CCDC66: variants seen among roughly 807,000 people sequenced by gnomAD.
CCDC66 encodes the protein coiled-coil domain-containing protein 66.
Under a neutral mutation model 128.3 loss-of-function variants are expected in CCDC66, and 133 were observed. The observed-to-expected ratio is 1.04, with a 90% CI of 0.90 to 1.20. The LOEUF (loss-of-function observed/expected upper bound fraction) is 1.20, where lower values mean the gene tolerates loss of function less well. Ranked by LOEUF, CCDC66 falls within the 50% of genes most tolerant of loss-of-function variation. CCDC66 has a pLI of 0.00. For missense variants in CCDC66, 1,126 were observed against 1,075.5 expected (o/e 1.05, Z -0.66); for synonymous variants, 387 against 357.0 (o/e 1.08, Z -0.95).
At chr3:56,559,872 G>A (rs1417946049) in intron 3 of CCDC66, among the ~76,000 whole-genome samples, 1 of 152,122 alleles carries the variant, frequency 6.6e-6, no homozygotes, top group Non-Finnish European at 1.5e-5. Context: ...TATTGAATAT[G>A]GAAGCCACTA....
chr3:56,571,130 TTC>T, intron 6 of CCDC66, 49 bp from the exon 7 acceptor site: 1 of 1,357,610 alleles, frequency 7.4e-7, no homozygotes, highest in Non-Finnish European at 1.0e-6. Context: ...GTTTACATGG[TTC>T]TGTTTTTACA....
chr3:56,620,928 A>C (rs1279284861), intron 17 of CCDC66: 1 of 152,608 alleles, frequency 6.6e-6, no homozygotes, highest in African/African-American at 2.4e-5. Flanking sequence ...TGAGGCAGGC[A>C]GATCATGAGG....
At chr3:56,560,639 G>T (rs893499289) in intron 3 of CCDC66, among the ~76,000 whole-genome samples, 2 of 152,128 alleles carry the variant, frequency 1.3e-5, no homozygotes, top group African/African-American at 4.8e-5. Context: ...AGAATCACTT[G>T]AACCCTGGAG....
chr3:56,607,227 T>G (rs2074202908), intron 10 of CCDC66, among the ~76,000 whole-genome samples: 1 of 152,184 alleles, frequency 6.6e-6, no homozygotes. Context: ...GTAGATTGCT[T>G]TTGGCAGTAT....
chr3:56,619,624 TTC>T, intron 16 of CCDC66, 97 bp downstream of exon 16: 1 of 1,491,838 alleles, frequency 6.7e-7, no homozygotes, highest in East Asian at 2.3e-5. Flanking sequence ...CTGCACTTAG[TTC>T]TATAAAGTTT....
chr3:56,593,574 AAC>A lies in CCDC66; in HGVS notation c.1158_1159del (p.His386GlnfsTer4). ...GSQSQLFSQS[T>X]HKQPEYFCVS... ...CTCAATCTCAGCTGTTCTCTCAGTC[AAC>A]ACACAAACAACCTGAGTACTTCTGT... On this transcript the variant is annotated frameshift_variant, in exon 9 of 18. Transcript: ENST00000394672. LOFTEE classifies it high-confidence loss of function. The A allele has an allele frequency of 6.2e-7, 1 of 1,614,202 alleles. No homozygotes were observed. The highest frequency in any genetic ancestry group is 2.2e-5 in the East Asian group (1 of 44,888).
At chr3:56,612,869 G>T (rs1018927330) in intron 10 of CCDC66, among the ~76,000 whole-genome samples, 1 of 152,160 alleles carries the variant, frequency 6.6e-6, no homozygotes, top group Non-Finnish European at 1.5e-5. Context: ...ACCTGCCCCC[G>T]GGTTCCCAAG....
intron 11 of CCDC66, 28 bp from the exon 12 acceptor site, chr3:56,615,100 G>C: frequency 6.2e-7 from 1 of 1,604,496 alleles, no homozygotes; most frequent in South Asian, 1.1e-5. Context: ...TTTAATAGAT[G>C]AATTTAGTAA....
intron 10 of CCDC66, among the ~76,000 whole-genome samples, chr3:56,613,113 G>T (rs888152475): frequency 1.1e-4 from 17 of 152,160 alleles, no homozygotes; most frequent in African/African-American, 4.1e-4. Context: ...TAGGGACTGG[G>T]CTCTCAAAAT....
chr3:56,579,403 A>G (rs942102459), intron 7 of CCDC66, among the ~76,000 whole-genome samples: 4 of 151,372 alleles, frequency 2.6e-5, no homozygotes, highest in East Asian at 4.0e-4. Context: ...TTGTGTCTCT[A>G]TCTCCTTCAG....
intron 10 of CCDC66, among the ~76,000 whole-genome samples, chr3:56,610,126 C>T (rs1201455392): frequency 2.0e-5 from 3 of 152,196 alleles, no homozygotes; most frequent in Non-Finnish European, 4.4e-5. Flanking sequence ...AGGTCTTTAG[C>T]AAGGCCAGGG....
At chr3:56,606,129 G>A (rs2107222635) in intron 10 of CCDC66, among the ~76,000 whole-genome samples, 1 of 152,198 alleles carries the variant, frequency 6.6e-6, no homozygotes, top group South Asian at 2.1e-4. Flanking sequence ...ACCCCACCAA[G>A]CTTGAGAGTC....
At chr3:56,608,648 A>AGGTTT (rs2074393934) in intron 10 of CCDC66, among the ~76,000 whole-genome samples, 1 of 151,614 alleles carries the variant, frequency 6.6e-6, no homozygotes, top group Non-Finnish European at 1.5e-5. Flanking sequence ...TTCTTCTGCT[A>AGGTTT]GGTTTGGTTT....
At chr3:56,606,573 G>A (rs146811899) in intron 10 of CCDC66, among the ~76,000 whole-genome samples, 1,841 of 151,916 alleles carry the variant, frequency 0.012, 29 homozygotes, top group Non-Finnish European at 0.015. Flanking sequence ...TTGAGGTGGC[G>A]CCTCACCCTG....
chr3:56,621,818 T>TAAA lies in CCDC66; in HGVS notation c.*217_*219dup, dbSNP rs11401064. The TAAA allele has an allele frequency of 0.019, 2,577 of 133,994 alleles. 63 individuals are homozygous for TAAA. The highest frequency in any genetic ancestry group is 0.066 in the African/African-American group (2,267 of 34,516). 8.3% of individuals were successfully genotyped at this position (133,994 alleles called of 1,614,324 possible). On this transcript the variant is annotated 3_prime_UTR_variant, in exon 18 of 18. Coordinates refer to ENST00000394672, the MANE Select transcript of CCDC66 (RefSeq NM_001141947.3). Reference sequence around the variant, plus strand: ...TACTTCTTTTGTAAAAGCTTAGTAGTAAAAAAAAAAAAAAAAAAACCGGTT... The same window carrying TAAA: ...TACTTCTTTTGTAAAAGCTTAGTAGTAAAAAAAAAAAAAAAAAAAAAACCGGTT...
At chr3:56,574,892 A>G (rs1227883311) in intron 7 of CCDC66, among the ~76,000 whole-genome samples, 1 of 151,816 alleles carries the variant, frequency 6.6e-6, no homozygotes, top group Non-Finnish European at 1.5e-5. Context: ...TTAATGCTAA[A>G]TAACATCCTA....
intron 6 of CCDC66, among the ~76,000 whole-genome samples, chr3:56,567,694 G>A (rs1306539700): frequency 6.6e-6 from 1 of 151,854 alleles, no homozygotes; most frequent in Non-Finnish European, 1.5e-5. Context: ...TTTTTGTTTT[G>A]TTTTGTTTTG....
intron 10 of CCDC66, among the ~76,000 whole-genome samples, chr3:56,605,914 T>C (rs1577892827): frequency 6.6e-6 from 1 of 151,518 alleles, no homozygotes; most frequent in African/African-American, 2.4e-5. Context: ...GAGGTAGGGG[T>C]TTTATCTATA....
chr3:56,601,285 G>C (rs282542), intron 10 of CCDC66, among the ~76,000 whole-genome samples: 1 of 151,904 alleles, frequency 6.6e-6, no homozygotes, highest in African/African-American at 2.4e-5. Context: ...ATGGTTGTGG[G>C]TGTGTGGTGT....
Sources: allele counts gnomAD v4.1 joint callset (sites outside exome capture counted in the v4.1 genomes callset), GRCh38; gene constraint gnomAD v4.1.1; transcripts MANE v1.5; gene names NCBI Gene and HGNC (gene_info 2026-07-23, HGNC 2026-07-21).